The following ZDHHC14 variants were observed in gnomAD, a reference collection of about 807,000 sequenced individuals.
ZDHHC14 encodes the protein palmitoyltransferase ZDHHC14.
A neutral mutation model predicts 47.7 loss-of-function variants in ZDHHC14; 16 were observed. That is an observed-to-expected ratio of 0.34 (90% CI 0.23 to 0.51). The LOEUF is 0.51. ZDHHC14 is among the 20% of genes least tolerant of loss of function. The pLI, the probability that ZDHHC14 is intolerant of heterozygous loss-of-function variation, is 0.97. For missense variants in ZDHHC14, 515 were observed against 662.5 expected (o/e 0.78, Z 2.44); for synonymous variants, 293 against 278.9 (o/e 1.05, Z -0.50).
chr6:157,477,083 T>C (rs1274468457), intron 1 of ZDHHC14, among the ~76,000 whole-genome samples: 1 of 152,076 alleles, frequency 6.6e-6, no homozygotes, highest in Non-Finnish European at 1.5e-5. Flanking sequence ...ATAACAGGCA[T>C]CCAAATAGGA....
At chr6:157,560,066 C>T (rs965910632) in intron 2 of ZDHHC14, among the ~76,000 whole-genome samples, 35 of 152,176 alleles carry the variant, frequency 2.3e-4, no homozygotes, top group Admixed American at 1.1e-3. Flanking sequence ...TGATGAATTA[C>T]ACTATACCTT....
At chr6:157,407,783 C>G (rs978011555) in intron 1 of ZDHHC14, among the ~76,000 whole-genome samples, 9 of 152,122 alleles carry the variant, frequency 5.9e-5, no homozygotes, top group African/African-American at 1.9e-4. Context: ...TTGGCCTGTC[C>G]TCATGCTCCA....
intron 1 of ZDHHC14, chr6:157,529,066 A>T (rs759319555): frequency 6.5e-6 from 1 of 154,658 alleles, no homozygotes; most frequent in Non-Finnish European, 1.5e-5. Flanking sequence ...GCTAGTGTCT[A>T]GGAGACACAC....
At chr6:157,396,096 A>G (rs1470484772) in intron 1 of ZDHHC14, among the ~76,000 whole-genome samples, 2 of 152,022 alleles carry the variant, frequency 1.3e-5, no homozygotes, top group Non-Finnish European at 2.9e-5. Context: ...ATATAGAAAC[A>G]CAACTCTCAT....
intron 1 of ZDHHC14, among the ~76,000 whole-genome samples, chr6:157,444,890 A>G (rs1040277157): frequency 6.6e-5 from 10 of 152,058 alleles, no homozygotes; most frequent in African/African-American, 2.4e-4. Context: ...TAGTCATTGA[A>G]AGGTCAGGCA....
At chr6:157,465,500 G>A (rs1428147384) in intron 1 of ZDHHC14, among the ~76,000 whole-genome samples, 3 of 151,998 alleles carry the variant, frequency 2.0e-5, no homozygotes, top group Non-Finnish European at 4.4e-5. Context: ...ACACAAAACG[G>A]GAAATGAAAT....
intron 1 of ZDHHC14, among the ~76,000 whole-genome samples, chr6:157,515,612 C>T (rs1000736142): frequency 2.0e-5 from 3 of 151,916 alleles, no homozygotes; most frequent in Admixed American, 6.6e-5. Flanking sequence ...TACAGGCTCC[C>T]GCCACCACGC....
At chr6:157,446,182 T>C (rs1034237359) in intron 1 of ZDHHC14, among the ~76,000 whole-genome samples, 6 of 152,190 alleles carry the variant, frequency 3.9e-5, no homozygotes, top group Non-Finnish European at 1.5e-5. Context: ...GGCCCTTACC[T>C]GTAGCTATTC....
intron 1 of ZDHHC14, among the ~76,000 whole-genome samples, chr6:157,403,566 T>G (rs1177234703): frequency 6.6e-6 from 1 of 152,224 alleles, no homozygotes; most frequent in Non-Finnish European, 1.5e-5. Context: ...GAAAAGGGTT[T>G]AGGGCCGGCC....
At chr6:157,592,437 GT>G (rs1415540907) in intron 2 of ZDHHC14, among the ~76,000 whole-genome samples, 1 of 152,194 alleles carries the variant, frequency 6.6e-6, no homozygotes, top group Non-Finnish European at 1.5e-5. Flanking sequence ...AATGGGCAAA[GT>G]GAAGGGACCC....
chr6:157,595,154 G>A (rs573001141), intron 3 of ZDHHC14, among the ~76,000 whole-genome samples: 1 of 93,606 alleles, frequency 1.1e-5, no homozygotes, highest in African/African-American at 4.1e-5. Flanking sequence ...TTTATCCTCT[G>A]TTTCTTGTCT....
At chr6:157,662,335 T>A (rs1778381446) in intron 8 of ZDHHC14, among the ~76,000 whole-genome samples, 1 of 152,038 alleles carries the variant, frequency 6.6e-6, no homozygotes, top group African/African-American at 2.4e-5. Context: ...GTGCGCGCCA[T>A]CATGCCTGGC....
chr6:157,538,875 G>T (rs2047970), intron 1 of ZDHHC14, among the ~76,000 whole-genome samples: 4 of 151,938 alleles, frequency 2.6e-5, no homozygotes, highest in African/African-American at 7.3e-5. Flanking sequence ...GAGTGAAAGC[G>T]GGTGCCTGCC....
chr6:157,667,507 T>C (rs1778605758), intron 8 of ZDHHC14, among the ~76,000 whole-genome samples: 1 of 149,426 alleles, frequency 6.7e-6, no homozygotes, highest in South Asian at 2.1e-4. Context: ...GGGAGAGAAA[T>C]CAATGGGGAA....
chr6:157,556,988 G>T (rs1166150461), intron 2 of ZDHHC14, among the ~76,000 whole-genome samples: 8 of 152,202 alleles, frequency 5.3e-5, no homozygotes, highest in African/African-American at 1.9e-4. Context: ...CCCTCCAAGA[G>T]ACACTGAGGG....
At chr6:157,544,899 C>A (rs1000394727) in intron 2 of ZDHHC14, among the ~76,000 whole-genome samples, 1 of 152,180 alleles carries the variant, frequency 6.6e-6, no homozygotes, top group Non-Finnish European at 1.5e-5. Context: ...CTAGATATGT[C>A]CACACAAGGA....
In ZDHHC14 at chr6:157,534,311, G is replaced by A. The variant is rs141921464; in HGVS notation, c.246-8274G>A. On this transcript the variant is annotated intron_variant, in intron 1 of 8. Transcript: ENST00000359775. Reference sequence around the variant, plus strand: ...CTTACGGTTCCAGGATGCACAGAAAGCAAAATGGAGTTACTTTGGCCAATT... The same window carrying A: ...CTTACGGTTCCAGGATGCACAGAAAACAAAATGGAGTTACTTTGGCCAATT... Among the ~76,000 whole-genome samples the A allele has an allele frequency of 3.9e-5, 6 of 152,278 alleles. No individual in the cohort carries two copies. The East Asian group carries it at 1.2e-3, about 29-fold the overall frequency.
intron 1 of ZDHHC14, among the ~76,000 whole-genome samples, chr6:157,409,055 C>A (rs1430796159): frequency 6.6e-6 from 1 of 152,214 alleles, no homozygotes; most frequent in Non-Finnish European, 1.5e-5. Flanking sequence ...AGAGCTACTG[C>A]GTGGCATTCC....
At chr6:157,612,366 G>A (rs1056779865) in intron 3 of ZDHHC14, among the ~76,000 whole-genome samples, 1 of 152,192 alleles carries the variant, frequency 6.6e-6, no homozygotes, top group Non-Finnish European at 1.5e-5. Context: ...ACTATGGGAA[G>A]GAGGCCAAAA....
Sources: gnomAD v4.1 joint callset for allele counts (sites outside exome capture counted in the v4.1 genomes callset) on GRCh38, gnomAD v4.1.1 for gene constraint, MANE v1.5 for transcripts, NCBI Gene and HGNC (gene_info 2026-07-23, HGNC 2026-07-21) for gene names.